WDR49: variants seen among roughly 807,000 people sequenced by gnomAD.
The protein encoded by WDR49 is cilia- and flagella-associated protein 337.
Under a neutral mutation model 119.5 loss-of-function variants are expected in WDR49, and 107 were observed. That is an observed-to-expected ratio of 0.90 (90% CI 0.77 to 1.05). The LOEUF (loss-of-function observed/expected upper bound fraction) is 1.05, where lower values mean the gene tolerates loss of function less well. Ranked by LOEUF, WDR49 falls within the 50% of genes least tolerant of loss-of-function variation. WDR49 has a pLI of 0.00. For missense variants in WDR49, 1,240 were observed against 1,220.5 expected (o/e 1.02, Z -0.24); for synonymous variants, 425 against 418.8 (o/e 1.01, Z -0.18).
In WDR49 at chr3:167,573,844, A is replaced by G. The variant is rs543750203; in HGVS notation, c.1509+2074T>C. Among the ~76,000 whole-genome samples, 8 of 152,284 alleles carry G rather than the reference A, an allele frequency of 5.3e-5. No individual in the cohort carries two copies. In the East Asian group the frequency reaches 1.5e-3, roughly 29 times the overall value. ...GCTTTAACTCCCACGATGTCTGCAA[A>G]GTATTCCCAAACTTGCCACACCAAA... On this transcript the variant is annotated intron_variant, in intron 8 of 18. Transcript: ENST00000682715.
chr3:167,497,418 A>T (rs1751394625), intron 18 of WDR49, among the ~76,000 whole-genome samples: 1 of 152,198 alleles, frequency 6.6e-6, no homozygotes, highest in African/African-American at 2.4e-5. Flanking sequence ...GGAAATTTTA[A>T]TAAGAAATCC....
rs1014232241 is a variant in WDR49 at position 167,650,371 on chromosome 3, G to A, written c.165+2890C>T. 2.0e-5 allele frequency among the ~76,000 whole-genome samples: 3 copies of A among 152,258 alleles called. No individual in the cohort carries two copies. In the East Asian group the frequency reaches 5.8e-4, roughly 29 times the overall value. Reference sequence around the variant, plus strand: ...GAAGTTTGAGTAACAACCATTTTACGATTCTATGAATAATGCAAGTTTCTC... The same window carrying A: ...GAAGTTTGAGTAACAACCATTTTACAATTCTATGAATAATGCAAGTTTCTC... On this transcript the variant is annotated intron_variant, in intron 2 of 18. Transcript: ENST00000682715.
chr3:167,647,486 A>G (rs1449392556), intron 2 of WDR49, among the ~76,000 whole-genome samples: 2 of 152,190 alleles, frequency 1.3e-5, no homozygotes, highest in African/African-American at 2.4e-5. Context: ...AGTTTTGGTG[A>G]TGACGCCATT....
At chr3:167,486,244 CT>C (rs1750912584) in intron 18 of WDR49, among the ~76,000 whole-genome samples, 1 of 152,060 alleles carries the variant, frequency 6.6e-6, no homozygotes, top group African/African-American at 2.4e-5. Flanking sequence ...ACAAGAGTCT[CT>C]TAAAGGCATC....
Position 167,532,519 on chromosome 3 carries a change from A to G in WDR49, c.2053+360T>C, listed in dbSNP as rs908544126. On this transcript the variant is annotated intron_variant, in intron 12 of 18. Transcript: ENST00000682715. ...TGAGTCTGAACAGCCTATCGAGTGA[A>G]CATGAATTTCCATTTTTTTACCAAA... Among the ~76,000 whole-genome samples the G allele has an allele frequency of 6.6e-5, 10 of 152,152 alleles. 1 individual carries two copies. The highest frequency in any genetic ancestry group is 6.6e-4 in the Admixed American group (10 of 15,256).
At chr3:167,633,142 A>G (rs1717450064) in intron 2 of WDR49, among the ~76,000 whole-genome samples, 1 of 150,528 alleles carries the variant, frequency 6.6e-6, no homozygotes, top group Non-Finnish European at 1.5e-5. Flanking sequence ...GGTGTTCATA[A>G]TTATTAATAT....
At chr3:167,544,525 C>T (rs1203448429) in intron 10 of WDR49, among the ~76,000 whole-genome samples, 1 of 151,842 alleles carries the variant, frequency 6.6e-6, no homozygotes, top group Non-Finnish European at 1.5e-5. Flanking sequence ...AAATAGAGAA[C>T]CCAGAAATAA....
chr3:167,540,029 A>G (rs1025050389), intron 10 of WDR49, among the ~76,000 whole-genome samples: 1 of 152,152 alleles, frequency 6.6e-6, no homozygotes, highest in African/African-American at 2.4e-5. Flanking sequence ...ATTCCATGAG[A>G]CAGGTGAAAA....
rs770216436 is a variant in WDR49, at chr3:167,602,160, T to C, written c.1242A>G (p.Glu414=). The C allele has an allele frequency of 7.5e-6, 12 of 1,599,254 alleles. No individual in the cohort carries two copies. In the African/African-American group the frequency reaches 1.6e-4, roughly 21 times the overall value. ...ASVIAVQFFV[E]RKQLFSFSKD... is the part of the protein sequence containing the mutation. ...TGGAGAAGCTGAAAAGTTGTTTTCT[T>C]TCCACAAAGAATTGGACGGCTATTA... is the stretch of plus-strand genomic sequence containing the variant. The change falls in exon 7 of 19, where the codon GAA becomes GAG. Residue 414 remains glutamate, a synonymous_variant. Coordinates refer to ENST00000682715, the MANE Select transcript of WDR49 (RefSeq NM_001366157.1).
intron 2 of WDR49, among the ~76,000 whole-genome samples, chr3:167,634,952 G>T (rs956090880): frequency 6.6e-6 from 1 of 151,634 alleles, no homozygotes; most frequent in Non-Finnish European, 1.5e-5. Flanking sequence ...TTTCTATGTT[G>T]CTTTTTCCAC....
At chr3:167,487,190 A>G (rs994525572) in intron 18 of WDR49, among the ~76,000 whole-genome samples, 10 of 152,070 alleles carry the variant, frequency 6.6e-5, no homozygotes, top group African/African-American at 2.4e-4. Context: ...CACATACACC[A>G]ATGGAAAAGA....
At chr3:167,601,098 G>C (rs1715747997) in intron 7 of WDR49, among the ~76,000 whole-genome samples, 1 of 152,144 alleles carries the variant, frequency 6.6e-6, no homozygotes, top group Admixed American at 6.6e-5. Flanking sequence ...GCAGTATTTT[G>C]AGGAAAAGAA....
intron 5 of WDR49, among the ~76,000 whole-genome samples, chr3:167,617,588 G>A (rs1162340174): frequency 6.6e-6 from 1 of 152,092 alleles, no homozygotes; most frequent in Non-Finnish European, 1.5e-5. Context: ...CTTGTCTTTA[G>A]TTGCAGAATC....
At chr3:167,591,275 G>C (rs1311313564) in intron 7 of WDR49, among the ~76,000 whole-genome samples, 1 of 152,030 alleles carries the variant, frequency 6.6e-6, no homozygotes, top group African/African-American at 2.4e-5. Flanking sequence ...GAAGATGCTT[G>C]ATATTATTTA....
At position 167,522,007 on chromosome 3, in the gene WDR49, TAGATAGATAGA is replaced by T. The variant is rs1560266190; in HGVS notation, c.2774+297_2774+307del. ...ATAGATAGATAGATAGATAGATAGA[TAGATAGATAGA>T]TTGTTTTTGAAGAAAGGGGCAAATT... On this transcript the variant is annotated intron_variant, in intron 16 of 18. Transcript: ENST00000682715. Among the ~76,000 whole-genome samples, 590 of 148,852 alleles carry T rather than the reference TAGATAGATAGA, an allele frequency of 4.0e-3. 4 individuals carry two copies. Among genetic ancestry groups the T allele is most frequent in the South Asian group, 9.6e-3 (45 of 4,670 alleles).
rs540209017 is a variant in WDR49 at position 167,588,492 on chromosome 3, C to T, written c.1276-12341G>A. Reference sequence around the variant, plus strand: ...CTAGTAGTGGGAATGCTGGATCATACGGCAGCTCAATTTTTAGCTCTATTA... The same window carrying T: ...CTAGTAGTGGGAATGCTGGATCATATGGCAGCTCAATTTTTAGCTCTATTA... On this transcript the variant is annotated intron_variant, in intron 7 of 18. Coordinates refer to ENST00000682715, the MANE Select transcript of WDR49 (RefSeq NM_001366157.1). 2.8e-4 allele frequency among the ~76,000 whole-genome samples: 43 copies of T among 152,142 alleles called. No individual in the cohort carries two copies. The South Asian group carries it at 5.8e-3, about 21-fold the overall frequency.
At chr3:167,519,496 G>C (rs976076012) in intron 16 of WDR49, among the ~76,000 whole-genome samples, 1 of 152,022 alleles carries the variant, frequency 6.6e-6, no homozygotes, top group African/African-American at 2.4e-5. Flanking sequence ...GACATGGATG[G>C]AGCTGGAAGC....
At chr3:167,623,102 A>G (rs761146570) in intron 3 of WDR49, among the ~76,000 whole-genome samples, 7 of 152,064 alleles carry the variant, frequency 4.6e-5, no homozygotes, top group Non-Finnish European at 1.0e-4. Flanking sequence ...AATTCCACCA[A>G]ACGTTTCAAG....
intron 18 of WDR49, among the ~76,000 whole-genome samples, chr3:167,490,999 G>A (rs763057826): frequency 7.3e-5 from 11 of 151,566 alleles, no homozygotes; most frequent in Non-Finnish European, 1.0e-4. Context: ...TCCCACCTAA[G>A]GACATTACCA....
Sources: allele counts gnomAD v4.1 joint callset (sites outside exome capture counted in the v4.1 genomes callset), GRCh38; gene constraint gnomAD v4.1.1; transcripts MANE v1.5; gene names NCBI Gene and HGNC (gene_info 2026-07-23, HGNC 2026-07-21).